The following IMMP2L variants were observed in gnomAD, a reference collection of about 807,000 sequenced individuals.
The protein encoded by IMMP2L is mitochondrial inner membrane protease subunit 2.
Under a neutral mutation model 19.3 loss-of-function variants are expected in IMMP2L, and 18 were observed. That is an observed-to-expected ratio of 0.93 (90% CI 0.64 to 1.38). The LOEUF is 1.38. Ranked by LOEUF, IMMP2L falls within the 40% of genes most tolerant of loss-of-function variation. The pLI, the probability that IMMP2L is intolerant of heterozygous loss-of-function variation, is 0.00. For synonymous variants in IMMP2L, 76 were observed against 73.0 expected (o/e 1.04, Z -0.21); for missense variants, 233 against 218.2 (o/e 1.07, Z -0.43).
At chr7:111,028,380 C>A (rs992214564) in intron 3 of IMMP2L, among the ~76,000 whole-genome samples, 5 of 152,078 alleles carry the variant, frequency 3.3e-5, no homozygotes, top group Non-Finnish European at 7.4e-5. Flanking sequence ...CTCCCACATT[C>A]TCTCTCTTCC....
At chr7:110,942,695 T>C (rs1816855538) in intron 4 of IMMP2L, among the ~76,000 whole-genome samples, 1 of 151,772 alleles carries the variant, frequency 6.6e-6, no homozygotes, top group South Asian at 2.1e-4. Flanking sequence ...AACCAACATT[T>C]GGCATGAGCA....
chr7:110,835,041 G>A (rs188182965), intron 5 of IMMP2L, among the ~76,000 whole-genome samples: 130 of 152,256 alleles, frequency 8.5e-4, no homozygotes, highest in Non-Finnish European at 1.6e-3. Flanking sequence ...CCCAGAGAAA[G>A]ATTCATCACC....
chr7:111,517,785 T>A (rs59888605), intron 2 of IMMP2L, among the ~76,000 whole-genome samples: 3 of 152,034 alleles, frequency 2.0e-5, no homozygotes, highest in African/African-American at 7.2e-5. Context: ...GCTTCTTTTT[T>A]AAAAAAAGAA....
At chr7:111,331,206 CA>C (rs1469352650) in intron 3 of IMMP2L, among the ~76,000 whole-genome samples, 2 of 151,744 alleles carry the variant, frequency 1.3e-5, no homozygotes, top group Non-Finnish European at 1.5e-5. Flanking sequence ...AATGGATAAA[CA>C]AAATGTGGTA....
chr7:111,232,138 G>T (rs1031747043), intron 3 of IMMP2L, among the ~76,000 whole-genome samples: 7 of 151,936 alleles, frequency 4.6e-5, no homozygotes, highest in African/African-American at 1.7e-4. Context: ...AAAGTCACAT[G>T]AATTTACATA....
chr7:111,299,472 C>A (rs1821980339), intron 3 of IMMP2L, among the ~76,000 whole-genome samples: 2 of 151,148 alleles, frequency 1.3e-5, no homozygotes, highest in East Asian at 1.9e-4. Flanking sequence ...AATTCAGTGG[C>A]CATTAGAAAA....
At chr7:110,931,526 C>G (rs1396911048) in intron 4 of IMMP2L, among the ~76,000 whole-genome samples, 1 of 152,124 alleles carries the variant, frequency 6.6e-6, no homozygotes, top group Non-Finnish European at 1.5e-5. Context: ...GCCCGTATGT[C>G]TAATCCTCAG....
intron 3 of IMMP2L, among the ~76,000 whole-genome samples, chr7:110,973,674 C>T (rs547769032): frequency 5.3e-5 from 8 of 152,136 alleles, no homozygotes; most frequent in South Asian, 2.1e-4. Flanking sequence ...CATGTGTGCC[C>T]GCCCACAAGT....
intron 5 of IMMP2L, among the ~76,000 whole-genome samples, chr7:110,797,361 T>C (rs2131187469): frequency 6.6e-6 from 1 of 152,064 alleles, no homozygotes; most frequent in South Asian, 2.1e-4. Flanking sequence ...AGAAATAATA[T>C]TGGTTTTAAG....
At chr7:111,027,863 C>T in intron 3 of IMMP2L, among the ~76,000 whole-genome samples, 1 of 152,002 alleles carries the variant, frequency 6.6e-6, no homozygotes, top group East Asian at 1.9e-4. Flanking sequence ...AATCTAAATT[C>T]ACAGACTAAA....
chr7:110,761,339 G>A (rs1798338076), intron 5 of IMMP2L, among the ~76,000 whole-genome samples: 1 of 152,112 alleles, frequency 6.6e-6, no homozygotes, highest in Non-Finnish European at 1.5e-5. Context: ...GCTTTCCAAT[G>A]ATCAATGATG....
In IMMP2L at chr7:110,687,891, C is replaced by T. The variant is rs145492980; in HGVS notation, c.409-24170G>A. 4.6e-5 allele frequency among the ~76,000 whole-genome samples: 7 copies of T among 151,884 alleles called. No homozygotes were observed. The East Asian group carries it at 1.2e-3, about 25-fold the overall frequency. On this transcript the variant is annotated intron_variant, in intron 5 of 5. Transcript: ENST00000405709. ...TGCTTGTATCTGGCTGGGGATGGGT[C>T]GGTGTGACTGCTTTGTCCAATTCTG...
rs1345484496 is a variant in IMMP2L, at chr7:110,713,655, T to G, written c.409-49934A>C. On this transcript the variant is annotated intron_variant, in intron 5 of 5. Coordinates refer to ENST00000405709, the MANE Select transcript of IMMP2L (RefSeq NM_032549.4). ...TTGGTTGGGTGTATTTTTAGGTGTTTTTTTTTTTTTTTAGTTTTTGTTTGT... is the reference window on the plus strand; with the variant it reads ...TTGGTTGGGTGTATTTTTAGGTGTTGTTTTTTTTTTTTAGTTTTTGTTTGT... Among the ~76,000 whole-genome samples, 189 of 42,716 alleles carry G rather than the reference T, an allele frequency of 4.4e-3. 3 individuals are homozygous for G. The highest frequency in any genetic ancestry group is 4.6e-3 in the Non-Finnish European group (104 of 22,516). The allele number at this position is 42,716 out of a possible 152,430, so 28.0% of individuals were successfully genotyped here.
At chr7:111,264,044 A>G (rs1280097721) in intron 3 of IMMP2L, among the ~76,000 whole-genome samples, 1 of 152,134 alleles carries the variant, frequency 6.6e-6, no homozygotes, top group Admixed American at 6.6e-5. Context: ...TAGGCTGCAG[A>G]TGGACTTAGT....
intron 3 of IMMP2L, among the ~76,000 whole-genome samples, chr7:111,235,095 G>T (rs1211859180): frequency 6.6e-6 from 1 of 152,002 alleles, no homozygotes; most frequent in East Asian, 1.9e-4. Context: ...GTCTGCCAGT[G>T]ACTAATTTTT....
intron 3 of IMMP2L, among the ~76,000 whole-genome samples, chr7:111,054,174 CAGGAATTTA>C (rs1233388019): frequency 6.6e-6 from 1 of 152,058 alleles, no homozygotes; most frequent in African/African-American, 2.4e-5. Flanking sequence ...TTTTAATATA[CAGGAATTTA>C]AAATTCACCC....
chr7:110,962,908 C>A, intron 4 of IMMP2L: 1 of 1,374,622 alleles, frequency 7.3e-7, no homozygotes. Flanking sequence ...ACACATCATG[C>A]CACACAGTAT....
intron 3 of IMMP2L, among the ~76,000 whole-genome samples, chr7:111,305,691 T>C (rs1822792517): frequency 6.6e-6 from 1 of 152,164 alleles, no homozygotes; most frequent in African/African-American, 2.4e-5. Flanking sequence ...ATTTGTTTGG[T>C]GAGTCTATCC....
intron 5 of IMMP2L, among the ~76,000 whole-genome samples, chr7:110,841,796 T>C (rs1189343436): frequency 6.6e-6 from 1 of 152,158 alleles, no homozygotes. Flanking sequence ...CAGAAGTAAC[T>C]GTAAAGATCA....
Sources: gnomAD v4.1 joint callset for allele counts (sites outside exome capture counted in the v4.1 genomes callset) on GRCh38, gnomAD v4.1.1 for gene constraint, MANE v1.5 for transcripts, NCBI Gene and HGNC (gene_info 2026-07-23, HGNC 2026-07-21) for gene names.